Variants in TLL1 observed in about 807,000 individuals in gnomAD.
The protein encoded by TLL1 is tolloid like 1, also known as tolloid-like protein 1.
A neutral mutation model predicts 128.2 loss-of-function variants in TLL1; 49 were observed. The observed-to-expected ratio is 0.38, with a 90% CI of 0.30 to 0.48. TLL1 has a LOEUF of 0.48. Ranked by LOEUF, TLL1 falls within the 20% of genes least tolerant of loss-of-function variation. TLL1 has a pLI of 0.96. For missense variants in TLL1, 1,123 were observed against 1,242.0 expected, an observed-to-expected ratio of 0.90 and a Z score of 1.44; for synonymous variants, 454 against 418.8, an observed-to-expected ratio of 1.08 and a Z score of -1.03.
At chr4:165,979,660 C>A (rs535915946) in intron 1 of TLL1, among the ~76,000 whole-genome samples, 1 of 151,966 alleles carries the variant, frequency 6.6e-6, no homozygotes, top group African/African-American at 2.4e-5. Flanking sequence ...TGGTGCTGTG[C>A]GCCTGTACTC....
At chr4:165,876,076 T>C (rs2110800129) in intron 1 of TLL1, among the ~76,000 whole-genome samples, 1 of 152,290 alleles carries the variant, frequency 6.6e-6, no homozygotes, top group South Asian at 2.1e-4. Flanking sequence ...AGTGCACACC[T>C]GTGTGTGTGT....
chr4:166,030,740 A>G (rs1341851442), intron 9 of TLL1: 1 of 1,161,054 alleles, frequency 8.6e-7, no homozygotes. Flanking sequence ...AGATTTACTA[A>G]ATGTTTTTAT....
At chr4:165,881,559 A>G (rs1478707560) in intron 1 of TLL1, among the ~76,000 whole-genome samples, 1 of 152,102 alleles carries the variant, frequency 6.6e-6, no homozygotes, top group Admixed American at 6.5e-5. Flanking sequence ...TTGCGTTTTT[A>G]TAAGCCACGT....
At chr4:165,949,939 A>G (rs1354931551) in intron 1 of TLL1, among the ~76,000 whole-genome samples, 2 of 152,138 alleles carry the variant, frequency 1.3e-5, no homozygotes, top group African/African-American at 4.8e-5. Context: ...TAATAACCAC[A>G]TTAAATGTAA....
At position 166,060,126 on chromosome 4, in the gene TLL1, G is replaced by T; in HGVS notation, c.1945G>T (p.Val649Phe). 1 of 1,613,748 alleles carries T rather than the reference G, an allele frequency of 6.2e-7. No homozygotes were observed. Among genetic ancestry groups the T allele is most frequent in the Non-Finnish European group, 8.5e-7 (1 of 1,179,892 alleles). Reference sequence around the variant, plus strand: ...TAATAAGAACTGTGTGTGGCAAGTGGTTGCACCAACCCAGTACAGAATTTC... The same window carrying T: ...TAATAAGAACTGTGTGTGGCAAGTGTTTGCACCAACCCAGTACAGAATTTC... ...PPNKNCVWQV[V>F]APTQYRISVK... Residue 649 changes from valine (V) to phenylalanine (F), a missense_variant, in exon 15 of 21, where the codon GTT becomes TTT. Val to Phe is a conservative substitution (Grantham distance 50, BLOSUM62 -1). Transcript: ENST00000061240.
intron 1 of TLL1, among the ~76,000 whole-genome samples, chr4:165,971,733 A>T (rs1030096909): frequency 4.6e-5 from 7 of 152,082 alleles, no homozygotes; most frequent in Non-Finnish European, 8.8e-5. Context: ...AAAATTTTTT[A>T]AAAATTTTAG....
chr4:166,010,186 T>C lies in TLL1; in HGVS notation c.917+2138T>C, dbSNP rs376540401. Among the ~76,000 whole-genome samples, 35 of 151,634 alleles carry C rather than the reference T, an allele frequency of 2.3e-4. No individual in the cohort carries two copies. The South Asian group carries it at 7.2e-3, about 31-fold the overall frequency. The stretch of plus-strand genomic sequence containing the variant: ...TTTAAGGCCAAATAATATTCCATTG[T>C]AAGTATATATCACATTTTGTTTATC... On this transcript the variant is annotated intron_variant, in intron 7 of 20. Transcript: ENST00000061240.
chr4:166,097,906 A>C (rs1742096284), intron 19 of TLL1, among the ~76,000 whole-genome samples: 2 of 152,088 alleles, frequency 1.3e-5, no homozygotes, highest in South Asian at 4.1e-4. Context: ...CAGGGACAGA[A>C]AGAAACTCTA....
At chr4:165,949,656 C>G (rs755457931) in intron 1 of TLL1, among the ~76,000 whole-genome samples, 1 of 151,994 alleles carries the variant, frequency 6.6e-6, no homozygotes. Context: ...TGGTGGCAGA[C>G]GAGAACAGAG....
At chr4:166,061,493 C>A (rs760160445) in intron 15 of TLL1, among the ~76,000 whole-genome samples, 1 of 152,100 alleles carries the variant, frequency 6.6e-6, no homozygotes, top group African/African-American at 2.4e-5. Context: ...GATCCGCCTG[C>A]CTCAGCCTCC....
chr4:166,033,155 G>C (rs1425879043), intron 9 of TLL1, among the ~76,000 whole-genome samples: 2 of 152,002 alleles, frequency 1.3e-5, no homozygotes, highest in Non-Finnish European at 2.9e-5. Context: ...AAGCACATTG[G>C]GTAATTTGTA....
chr4:166,099,305 A>G lies in TLL1; in HGVS notation c.2685A>G (p.Ser895=), dbSNP rs1454926183. The change falls in exon 20 of 21, where the codon TCA becomes TCG. Residue 895 remains serine, a synonymous_variant. Coordinates refer to ENST00000061240, the MANE Select transcript of TLL1 (RefSeq NM_012464.5). ...TECGGRLKAE[S]KPRDLYSHAQ... is the part of the protein sequence containing the mutation. ...GTGGCGGACGATTGAAAGCAGAATC[A>G]AAACCAAGAGATCTGTACTCACATG... is the stretch of plus-strand genomic sequence containing the variant. 1 of 1,613,570 alleles carries G rather than the reference A, an allele frequency of 6.2e-7. No homozygotes were observed. Among genetic ancestry groups the G allele is most frequent in the Non-Finnish European group, 8.5e-7 (1 of 1,179,638 alleles).
At position 166,034,543 on chromosome 4, in the gene TLL1, G is replaced by A. The variant is rs573959436; in HGVS notation, c.1159-4796G>A. Among the ~76,000 whole-genome samples, 18 of 152,290 alleles carry A rather than the reference G, an allele frequency of 1.2e-4. No individual in the cohort carries two copies. The South Asian group carries it at 3.5e-3, about 30-fold the overall frequency. ...CTATTGAGATTACTATGGCCATAAA[G>A]TGTAGGATGAAATGGAGAAGAGTAA... On this transcript the variant is annotated intron_variant, in intron 9 of 20. Coordinates refer to ENST00000061240, the MANE Select transcript of TLL1 (RefSeq NM_012464.5).
At chr4:166,044,223 T>G in intron 12 of TLL1, 1 of 610,762 alleles carries the variant, frequency 1.6e-6, no homozygotes, top group Non-Finnish European at 2.8e-6. Context: ...GGAGATGGAG[T>G]CTTTACTGAT....
At chr4:166,057,867 C>A (rs933994953) in intron 14 of TLL1, among the ~76,000 whole-genome samples, 2 of 152,100 alleles carry the variant, frequency 1.3e-5, no homozygotes, top group Non-Finnish European at 2.9e-5. Context: ...CCACCAGGTC[C>A]CTCCCATGAC....
intron 19 of TLL1, among the ~76,000 whole-genome samples, chr4:166,096,587 G>A (rs984471943): frequency 2.0e-5 from 3 of 152,100 alleles, no homozygotes; most frequent in Non-Finnish European, 4.4e-5. Context: ...TCTTTGTGGT[G>A]CTAACTTGTA....
chr4:166,055,597 T>C (rs7658974), intron 13 of TLL1, among the ~76,000 whole-genome samples: 85,221 of 151,890 alleles, frequency 0.56, 24,036 homozygotes, highest in East Asian at 0.6. Flanking sequence ...CAGAAGAAGG[T>C]TACTGACATG....
chr4:165,986,419 C>G (rs1032988975), intron 1 of TLL1, among the ~76,000 whole-genome samples: 1 of 150,064 alleles, frequency 6.7e-6, no homozygotes, highest in East Asian at 1.9e-4. Context: ...GTTGAAAGTT[C>G]TAACGTGCCT....
chr4:165,907,305 C>G (rs550763088), intron 1 of TLL1, among the ~76,000 whole-genome samples: 37 of 152,154 alleles, frequency 2.4e-4, no homozygotes, highest in African/African-American at 7.5e-4. Flanking sequence ...ACATGGGAAG[C>G]ATGATTTTGC....
Sources: gnomAD v4.1 joint callset for allele counts (sites outside exome capture counted in the v4.1 genomes callset) on GRCh38, gnomAD v4.1.1 for gene constraint, MANE v1.5 for transcripts, NCBI Gene and HGNC (gene_info 2026-07-23, HGNC 2026-07-21) for gene names.